Variants in VWA8 observed in about 807,000 individuals in gnomAD.
VWA8 encodes von Willebrand factor A domain-containing protein 8.
Under a neutral mutation model 241.5 loss-of-function variants are expected in VWA8, and 221 were observed. The ratio of observed to expected loss-of-function variants is 0.91; its 90% CI spans 0.82 to 1.02. The LOEUF (loss-of-function observed/expected upper bound fraction) is 1.02. Ranked by LOEUF, VWA8 falls within the 50% of genes least tolerant of loss-of-function variation. The pLI is 0.00. For missense variants in VWA8, 2,322 were observed against 2,328.7 expected (o/e 1.00, Z 0.06); for synonymous variants, 852 against 827.1 (o/e 1.03, Z -0.52).
chr13:41,571,581 T>C (rs1300866246), intron 43 of VWA8, among the ~76,000 whole-genome samples: 1 of 152,188 alleles, frequency 6.6e-6, no homozygotes, highest in Non-Finnish European at 1.5e-5. Context: ...AGCTCCTGAC[T>C]GCGAGTGATC....
intron 43 of VWA8, among the ~76,000 whole-genome samples, chr13:41,573,482 A>ATATATATATATATATATAT (rs1391223657): frequency 8.7e-6 from 1 of 114,624 alleles, no homozygotes; most frequent in African/African-American, 3.9e-5. Context: ...TTTAAAAAAA[A>ATATATATATATATATATAT]AAAAATATAT....
intron 14 of VWA8, among the ~76,000 whole-genome samples, chr13:41,828,566 A>G (rs1350259184): frequency 6.6e-6 from 1 of 152,222 alleles, no homozygotes; most frequent in Non-Finnish European, 1.5e-5. Context: ...AAATATCCAT[A>G]TATCATTCAC....
At chr13:41,693,980 A>G (rs1398068690) in intron 29 of VWA8, among the ~76,000 whole-genome samples, 1 of 151,970 alleles carries the variant, frequency 6.6e-6, no homozygotes, top group African/African-American at 2.4e-5. Flanking sequence ...CATTTCAAGA[A>G]GAATTTCTTT....
At chr13:41,884,033 T>C (rs1874391097) in intron 8 of VWA8, among the ~76,000 whole-genome samples, 1 of 152,194 alleles carries the variant, frequency 6.6e-6, no homozygotes. Flanking sequence ...CAAGAAAGAT[T>C]AGTGAAATTT....
At chr13:41,614,861 G>A in intron 38 of VWA8, 115 bp downstream of exon 38, 1 of 995,256 alleles carries the variant, frequency 1.0e-6, no homozygotes, top group South Asian at 1.5e-5. Flanking sequence ...ACTGAGTAAT[G>A]AGGGAGGCTG....
At chr13:41,855,810 C>T (rs561847562) in intron 12 of VWA8, among the ~76,000 whole-genome samples, 133 of 152,198 alleles carry the variant, frequency 8.7e-4, no homozygotes, top group Admixed American at 1.7e-3. Context: ...CCTCAGTAAA[C>T]GTGACTTTAA....
At chr13:41,692,426 T>C (rs142194113) in intron 30 of VWA8, among the ~76,000 whole-genome samples, 164 of 152,198 alleles carry the variant, frequency 1.1e-3, no homozygotes, top group African/African-American at 3.8e-3. Flanking sequence ...CTAAACTATT[T>C]ACTTACTAGT....
chr13:41,893,436 A>T (rs1874943099), intron 4 of VWA8, among the ~76,000 whole-genome samples: 1 of 151,738 alleles, frequency 6.6e-6, no homozygotes, highest in Non-Finnish European at 1.5e-5. Context: ...CTACCAGAGT[A>T]GCCATCTTGT....
intron 21 of VWA8, among the ~76,000 whole-genome samples, chr13:41,743,412 T>C (rs1425930833): frequency 6.6e-6 from 1 of 152,230 alleles, no homozygotes. Context: ...CTGTTGGCTG[T>C]AGTCCTATTC....
At chr13:41,719,400 A>C in intron 26 of VWA8, 191 bp downstream of exon 26, 3 of 1,412,900 alleles carry the variant, frequency 2.1e-6, no homozygotes, top group Non-Finnish European at 2.8e-6. Flanking sequence ...TAATAATCAA[A>C]ATTTTCAATT....
At chr13:41,849,822 G>C (rs1455029717) in intron 12 of VWA8, among the ~76,000 whole-genome samples, 1 of 152,164 alleles carries the variant, frequency 6.6e-6, no homozygotes, top group Middle Eastern at 3.4e-3. Flanking sequence ...GGGTGGCAGA[G>C]GTTGCAGTGA....
chr13:41,913,441 T>C (rs1014611366), intron 2 of VWA8, among the ~76,000 whole-genome samples: 3 of 152,226 alleles, frequency 2.0e-5, no homozygotes, highest in African/African-American at 7.2e-5. Flanking sequence ...ATGTCTTTTG[T>C]ATGTAGCAAA....
In VWA8 at chr13:41,945,049, G is replaced by A. The variant is rs76074743; in HGVS notation, c.241+4887C>T. Among the ~76,000 whole-genome samples the A allele has an allele frequency of 7.3e-3, 1,115 of 152,202 alleles. 16 individuals carry two copies. The highest frequency in any genetic ancestry group is 0.026 in the African/African-American group (1,065 of 41,514). ...GGGCCTAATCTCTCTCTCACCTTCC[G>A]CTAATCTTGAGGGTCCACACAAGCA... is the stretch of plus-strand genomic sequence containing the variant. On this transcript the variant is annotated intron_variant, in intron 2 of 44. Transcript: ENST00000379310.
At position 41,625,409 on chromosome 13, in the gene VWA8, A is replaced by C. The variant is rs550610790; in HGVS notation, c.4612-10325T>G. 4.8e-3 allele frequency among the ~76,000 whole-genome samples: 735 copies of C among 152,312 alleles called. 5 individuals are homozygous for C. The highest frequency in any genetic ancestry group is 0.017 in the African/African-American group (700 of 41,552). On this transcript the variant is annotated intron_variant, in intron 37 of 44. Transcript: ENST00000379310. ...AGAAAAAAACAAACAACCCCATCAA[A>C]AAGTGGGCAAAGGATATGAACAGAC...
intron 20 of VWA8, among the ~76,000 whole-genome samples, chr13:41,768,637 A>G (rs1302354788): frequency 6.6e-6 from 1 of 152,206 alleles, no homozygotes; most frequent in Non-Finnish European, 1.5e-5. Context: ...AAATGGCATA[A>G]TTTCATTGTA....
chr13:41,734,433 A>G (rs2137868669), intron 21 of VWA8, among the ~76,000 whole-genome samples: 1 of 152,306 alleles, frequency 6.6e-6, no homozygotes, highest in East Asian at 1.9e-4. Context: ...TTGACTAGTC[A>G]AGGGACTGAG....
In VWA8 at chr13:41,571,315, C is replaced by CTCTCCCTCTCCCGTCTCCCTCTCCCG. The variant is rs1471090868; in HGVS notation, c.5371-610_5371-609insCGGGAGAGGGAGACGGGAGAGGGAGA. ...TCTCCCGTCTCCCTCTCCCTCCTCC[C>CTCTCCCTCTCCCGTCTCCCTCTCCCG]TCTCCCTCTCCCGTCTCCCTCTCCC... On this transcript the variant is annotated intron_variant, in intron 43 of 44. Transcript: ENST00000379310. Among the ~76,000 whole-genome samples, 8 of 105,848 alleles carry CTCTCCCTCTCCCGTCTCCCTCTCCCG rather than the reference C, an allele frequency of 7.6e-5. No homozygotes were observed. The East Asian group carries it at 1.2e-3, about 16-fold the overall frequency. 69.4% of individuals were successfully genotyped at this position (105,848 alleles called of 152,430 possible).
At chr13:41,701,850 A>G (rs1395616791) in intron 27 of VWA8, among the ~76,000 whole-genome samples, 1 of 152,258 alleles carries the variant, frequency 6.6e-6, no homozygotes, top group African/African-American at 2.4e-5. Flanking sequence ...AACTCCAAGT[A>G]TCAGGACGCA....
At chr13:41,765,127 C>T (rs143149029) in intron 20 of VWA8, among the ~76,000 whole-genome samples, 531 of 151,068 alleles carry the variant, frequency 3.5e-3, no homozygotes, top group Non-Finnish European at 5.4e-3. Context: ...CTTGGGCAAT[C>T]GAGTGGCAGG....
Sources: gnomAD v4.1 joint callset for allele counts (sites outside exome capture counted in the v4.1 genomes callset) on GRCh38, gnomAD v4.1.1 for gene constraint, MANE v1.5 for transcripts, NCBI Gene and HGNC (gene_info 2026-07-23, HGNC 2026-07-21) for gene names.